Variants in STAU2 observed in about 807,000 individuals in gnomAD.
STAU2 encodes the protein double-stranded RNA-binding protein Staufen homolog 2.
Under a neutral mutation model 65.9 loss-of-function variants are expected in STAU2, and 20 were observed. That is an observed-to-expected ratio of 0.30 (90% CI 0.21 to 0.44). The LOEUF (loss-of-function observed/expected upper bound fraction) is 0.44. STAU2 is among the 20% of genes least tolerant of loss of function. The pLI is 1.00. For missense variants in STAU2, 558 were observed against 683.9 expected (o/e 0.82, Z 2.05); for synonymous variants, 232 against 233.9 (o/e 0.99, Z 0.07).
At chr8:73,577,605 C>T (rs545466786) in intron 12 of STAU2, among the ~76,000 whole-genome samples, 2 of 151,738 alleles carry the variant, frequency 1.3e-5, no homozygotes, top group African/African-American at 2.4e-5. Context: ...TCTATTTTTC[C>T]GTATGTTTTA....
chr8:73,622,149 A>G (rs1586141232), intron 6 of STAU2, among the ~76,000 whole-genome samples: 1 of 3,422 alleles, frequency 2.9e-4, no homozygotes. Context: ...TTTTTTTGAG[A>G]CGGAGTCTCG....
chr8:73,605,307 C>CTTTTTTTT (rs760108756), intron 9 of STAU2, among the ~76,000 whole-genome samples: 3 of 124,026 alleles, frequency 2.4e-5, no homozygotes, highest in East Asian at 2.3e-4. Context: ...GGCTTTTTTC[C>CTTTTTTTT]TTTTTTTTTT....
At chr8:73,629,815 G>T (rs1163243032) in intron 6 of STAU2, among the ~76,000 whole-genome samples, 1 of 152,172 alleles carries the variant, frequency 6.6e-6, no homozygotes, top group East Asian at 1.9e-4. Flanking sequence ...CACCCAGGCT[G>T]AAGTGTAGTC....
At chr8:73,421,536 A>G in intron 14 of STAU2, 71 bp from the exon 15 acceptor site, 2 of 1,432,034 alleles carry the variant, frequency 1.4e-6, no homozygotes, top group South Asian at 1.2e-5. Flanking sequence ...TTATTAGCAG[A>G]TGGCACAGAG....
rs1231378146 is a variant in STAU2, at chr8:73,617,300, A to T, written c.562T>A (p.Ser188Thr). 1 of 1,613,898 alleles carries T rather than the reference A, an allele frequency of 6.2e-7. No homozygotes were observed. Among genetic ancestry groups the T allele is most frequent in the African/African-American group, 1.3e-5 (1 of 74,906 alleles). The change falls in exon 7 of 15, where the codon TCT (serine) becomes ACT (threonine). Residue 188 changes from serine (S) to threonine (T), a missense_variant. Ser to Thr is a moderately conservative substitution (Grantham distance 58, BLOSUM62 1). Around this residue, in one of 3 missense-constraint regions of STAU2, gnomAD observed 199 missense variants for 299.5 expected, o/e 0.66. Coordinates refer to ENST00000524300, the MANE Select transcript of STAU2 (RefSeq NM_001164380.2). ...ALQNEPIPER[S>T]PQNGESGKDV... ...ATGCAGCAGCACCACACCTGAGGAG[A>T]TCTTTCTGGAATAGGTTCATTCTGC... is the stretch of plus-strand genomic sequence containing the variant.
chr8:73,625,796 T>C (rs1472688453), intron 6 of STAU2, among the ~76,000 whole-genome samples: 2 of 152,296 alleles, frequency 1.3e-5, no homozygotes, highest in Middle Eastern at 3.4e-3. Flanking sequence ...ACAGTTTTTG[T>C]AGGTGATCTC....
rs188986962 is a variant in STAU2, at chr8:73,705,722, T to C, written c.114+3310A>G. 2.3e-3 allele frequency among the ~76,000 whole-genome samples: 351 copies of C among 152,294 alleles called. 1 individual carries two copies. The highest frequency in any genetic ancestry group is 3.4e-3 in the Middle Eastern group (1 of 294). ...AAATAAAAGAAGACAAGGCAAAGAC[T>C]AAAATAATTATTATTTTAATAGTCA... On this transcript the variant is annotated intron_variant, in intron 4 of 14. Coordinates refer to ENST00000524300, the MANE Select transcript of STAU2 (RefSeq NM_001164380.2).
chr8:73,730,490 G>A (rs1805971063), intron 3 of STAU2, among the ~76,000 whole-genome samples: 2 of 152,114 alleles, frequency 1.3e-5, no homozygotes, highest in Admixed American at 1.3e-4. Context: ...ACTTTGGGAG[G>A]CCGAGGAGGG....
chr8:73,543,413 A>G (rs917882089), intron 13 of STAU2, among the ~76,000 whole-genome samples: 1 of 152,246 alleles, frequency 6.6e-6, no homozygotes, highest in Non-Finnish European at 1.5e-5. Flanking sequence ...CATGTAAATT[A>G]TACATCAATA....
intron 12 of STAU2, among the ~76,000 whole-genome samples, chr8:73,577,274 A>G (rs1394894497): frequency 6.6e-6 from 1 of 151,906 alleles, no homozygotes; most frequent in East Asian, 1.9e-4. Context: ...TAAAAATACA[A>G]AAAATTAGCC....
intron 6 of STAU2, chr8:73,651,517 C>A: frequency 1.3e-6 from 1 of 779,966 alleles, no homozygotes; most frequent in Non-Finnish European, 2.2e-6. Context: ...CCCTGGCTTT[C>A]CACTCACCGT....
rs546898879 is a variant in STAU2 at position 73,577,527 on chromosome 8, TGTAA to T, written c.1222+5239_1222+5242del. Reference sequence around the variant, plus strand: ...TGTATTTCAGGCCAAAGTTTGTAAATGTAAGTGTTTTAAATATTCATTTTTTTCT... The same window carrying T: ...TGTATTTCAGGCCAAAGTTTGTAAATGTGTTTTAAATATTCATTTTTTTCT... On this transcript the variant is annotated intron_variant, in intron 12 of 14. Transcript: ENST00000524300. Among the ~76,000 whole-genome samples the T allele has an allele frequency of 3.7e-4, 56 of 151,972 alleles. No homozygotes were observed. In the South Asian group the frequency reaches 4.8e-3, roughly 13 times the overall value.
chr8:73,688,372 G>C (rs990097451), intron 5 of STAU2, among the ~76,000 whole-genome samples: 1 of 151,332 alleles, frequency 6.6e-6, no homozygotes, highest in Non-Finnish European at 1.5e-5. Context: ...CACCATGTTG[G>C]CCAGGATGGT....
intron 13 of STAU2, among the ~76,000 whole-genome samples, chr8:73,488,689 TA>T (rs35869894): frequency 4.8e-4 from 69 of 144,020 alleles, no homozygotes; most frequent in Admixed American, 7.6e-4. Context: ...AAGAAATCCT[TA>T]AAAAAAAAAA....
chr8:73,547,588 C>T (rs1420539931), intron 13 of STAU2, among the ~76,000 whole-genome samples: 3 of 152,170 alleles, frequency 2.0e-5, no homozygotes, highest in Admixed American at 6.5e-5. Context: ...AGAGTTCTAA[C>T]ACATACTTAA....
At chr8:73,736,290 C>T (rs1038601486) in intron 3 of STAU2, among the ~76,000 whole-genome samples, 1 of 152,136 alleles carries the variant, frequency 6.6e-6, no homozygotes, top group Non-Finnish European at 1.5e-5. Context: ...ACAACTCTAG[C>T]ACCATTCATA....
At chr8:73,485,140 T>C (rs1200916148) in intron 13 of STAU2, among the ~76,000 whole-genome samples, 3 of 104,790 alleles carry the variant, frequency 2.9e-5, no homozygotes, top group African/African-American at 7.2e-5. Flanking sequence ...ACATCCTTAC[T>C]CTTTTTTTTT....
At chr8:73,714,676 T>C (rs1310208390) in intron 3 of STAU2, among the ~76,000 whole-genome samples, 2 of 152,184 alleles carry the variant, frequency 1.3e-5, no homozygotes, top group Non-Finnish European at 2.9e-5. Flanking sequence ...CAAAAACTGA[T>C]AGTTAACAAC....
chr8:73,689,878 C>T (rs1217539044), intron 4 of STAU2, among the ~76,000 whole-genome samples: 2 of 151,672 alleles, frequency 1.3e-5, no homozygotes, highest in Non-Finnish European at 2.9e-5. Flanking sequence ...CAACCATGTA[C>T]AATTCTTGGC....
Sources: allele counts gnomAD v4.1 joint callset (sites outside exome capture counted in the v4.1 genomes callset), GRCh38; gene constraint gnomAD v4.1.1; regional missense constraint gnomAD v4.1.1; transcripts MANE v1.5; gene names NCBI Gene and HGNC (gene_info 2026-07-23, HGNC 2026-07-21).